TCF7L1: variants seen among roughly 807,000 people sequenced by gnomAD.
TCF7L1 encodes transcription factor 7 like 1.
TCF7L1 carries 18 observed loss-of-function variants against 63.7 expected under a neutral mutation model. The observed-to-expected ratio is 0.28, with a 90% CI of 0.20 to 0.42. TCF7L1 has a LOEUF of 0.42. TCF7L1 is among the 10% of genes least tolerant of loss of function. The pLI is 1.00. For synonymous variants in TCF7L1, 355 were observed against 340.9 expected, an observed-to-expected ratio of 1.04 and a Z score of -0.46; for missense variants, 654 against 779.3, an observed-to-expected ratio of 0.84 and a Z score of 1.91.
At chr2:85,238,825 A>G (rs1362760974) in intron 3 of TCF7L1, among the ~76,000 whole-genome samples, 2 of 81,446 alleles carry the variant, frequency 2.5e-5, no homozygotes, top group Non-Finnish European at 5.0e-5. Flanking sequence ...TTATTTATTT[A>G]TTTATTTTTC....
At chr2:85,233,428 G>A (rs1680126375) in intron 3 of TCF7L1, among the ~76,000 whole-genome samples, 1 of 150,598 alleles carries the variant, frequency 6.6e-6, no homozygotes, top group Non-Finnish European at 1.5e-5. Flanking sequence ...TGATTCTCCT[G>A]CCTCAGTCTC....
chr2:85,298,307 A>G (rs1355086875), intron 4 of TCF7L1, among the ~76,000 whole-genome samples: 2 of 151,636 alleles, frequency 1.3e-5, no homozygotes, highest in East Asian at 1.9e-4. Context: ...CCTGGCCAAC[A>G]TGGTGAAACC....
chr2:85,240,054 A>G (rs1211709631), intron 3 of TCF7L1, among the ~76,000 whole-genome samples: 1 of 152,240 alleles, frequency 6.6e-6, no homozygotes, highest in African/African-American at 2.4e-5. Context: ...TAGCATTTCA[A>G]CATGTAATCA....
intron 3 of TCF7L1, among the ~76,000 whole-genome samples, chr2:85,163,915 T>C (rs2104224610): frequency 6.6e-6 from 1 of 152,280 alleles, no homozygotes; most frequent in East Asian, 1.9e-4. Context: ...TATCTCCTTA[T>C]GTGGAGACAG....
At chr2:85,269,588 G>A (rs1681095056) in intron 3 of TCF7L1, among the ~76,000 whole-genome samples, 1 of 152,190 alleles carries the variant, frequency 6.6e-6, no homozygotes, top group Non-Finnish European at 1.5e-5. Context: ...GCTTACAGGC[G>A]TGAGCCACCA....
chr2:85,144,417 C>CAAAAAAAAAAA (rs55964315), intron 3 of TCF7L1, among the ~76,000 whole-genome samples: 1 of 95,048 alleles, frequency 1.1e-5, no homozygotes, highest in Non-Finnish European at 2.1e-5. Flanking sequence ...CCTGTCTCTA[C>CAAAAAAAAAAA]AAAAAAAAAA....
intron 3 of TCF7L1, among the ~76,000 whole-genome samples, chr2:85,198,711 A>T (rs1247708474): frequency 6.6e-6 from 1 of 152,166 alleles, no homozygotes; most frequent in East Asian, 1.9e-4. Flanking sequence ...TCTACAAAAA[A>T]TTAGCTGGGT....
At chr2:85,248,198 G>A (rs1198947459) in intron 3 of TCF7L1, among the ~76,000 whole-genome samples, 2 of 152,122 alleles carry the variant, frequency 1.3e-5, no homozygotes, top group Non-Finnish European at 2.9e-5. Context: ...AATATGAAAG[G>A]CACATGTTCC....
intron 3 of TCF7L1, among the ~76,000 whole-genome samples, chr2:85,191,525 T>A (rs1380476259): frequency 1.3e-5 from 2 of 152,216 alleles, no homozygotes; most frequent in Non-Finnish European, 2.9e-5. Flanking sequence ...CTACTCTGTT[T>A]AGTGCATTTA....
At chr2:85,165,164 G>A (rs1678387326) in intron 3 of TCF7L1, among the ~76,000 whole-genome samples, 1 of 152,212 alleles carries the variant, frequency 6.6e-6, no homozygotes, top group Admixed American at 6.5e-5. Flanking sequence ...TTCCCAGTCA[G>A]TGAATAAATC....
At chr2:85,267,437 G>T (rs1044146751) in intron 3 of TCF7L1, among the ~76,000 whole-genome samples, 4 of 151,682 alleles carry the variant, frequency 2.6e-5, no homozygotes, top group Admixed American at 1.3e-4. Flanking sequence ...ATCACTTGAG[G>T]TCAGGAGTTC....
intron 11 of TCF7L1, among the ~76,000 whole-genome samples, chr2:85,308,821 A>C (rs1419594947): frequency 6.6e-6 from 1 of 151,856 alleles, no homozygotes; most frequent in East Asian, 1.9e-4. Context: ...TGCTGGGTGG[A>C]TCTTCATCAG....
intron 3 of TCF7L1, among the ~76,000 whole-genome samples, chr2:85,192,840 AT>A (rs1432754901): frequency 6.6e-6 from 1 of 151,032 alleles, no homozygotes; most frequent in Non-Finnish European, 1.5e-5. Flanking sequence ...TCCTTGGCTA[AT>A]TTTTTTTAAA....
Position 85,133,969 on chromosome 2 carries a change from G to A in TCF7L1, c.249+36G>A, listed in dbSNP as rs781174724. ...ACCGCGGCCACCCCCGGGGGATCCC[G>A]GCCCTGCGTCCGCTCACCCGCTCTT... is the stretch of plus-strand genomic sequence containing the variant. On this transcript the variant is annotated intron_variant, in intron 1 of 11. Transcript: ENST00000282111. The surrounding 1 kb of genome is among the most constrained non-coding windows in gnomAD (Gnocchi z 4.4). 1.9e-6 allele frequency: 3 copies of A among 1,586,034 alleles called. No homozygotes were observed. The highest frequency in any genetic ancestry group is 3.5e-5 in the Admixed American group (2 of 57,740).
At chr2:85,226,019 C>T (rs970012522) in intron 3 of TCF7L1, among the ~76,000 whole-genome samples, 1 of 152,152 alleles carries the variant, frequency 6.6e-6, no homozygotes, top group Non-Finnish European at 1.5e-5. Flanking sequence ...GCCTTTTCTG[C>T]GTCTATTGAG....
At chr2:85,304,400 C>G in intron 7 of TCF7L1, 62 bp downstream of exon 7, 1 of 1,551,076 alleles carries the variant, frequency 6.4e-7, no homozygotes, top group Non-Finnish European at 8.8e-7. Flanking sequence ...TTTCTGACCA[C>G]GAAACAGCTT....
At chr2:85,207,945 C>T (rs192772289) in intron 3 of TCF7L1, among the ~76,000 whole-genome samples, 343 of 152,112 alleles carry the variant, frequency 2.3e-3, no homozygotes, top group African/African-American at 7.6e-3. Flanking sequence ...CTTGCTCTGT[C>T]GCCCAGGCTG....
chr2:85,217,938 T>C (rs1338543963), intron 3 of TCF7L1, among the ~76,000 whole-genome samples: 1 of 152,188 alleles, frequency 6.6e-6, no homozygotes, highest in Non-Finnish European at 1.5e-5. Context: ...TGTACTAGCA[T>C]TAAATTAGGT....
chr2:85,160,439 G>A (rs1678258658), intron 3 of TCF7L1, among the ~76,000 whole-genome samples: 1 of 152,132 alleles, frequency 6.6e-6, no homozygotes, highest in South Asian at 2.1e-4. Flanking sequence ...TGGCCAGGCT[G>A]GTCTCGAACT....
Sources: gnomAD v4.1 joint callset for allele counts (sites outside exome capture counted in the v4.1 genomes callset) on GRCh38, gnomAD v4.1.1 for gene constraint, Gnocchi (gnomAD v3.1) non-coding constraint, MANE v1.5 for transcripts, NCBI Gene and HGNC (gene_info 2026-07-23, HGNC 2026-07-21) for gene names.